EGFLAM: variants seen among roughly 807,000 people sequenced by gnomAD.
EGFLAM encodes pikachurin.
EGFLAM carries 79 observed loss-of-function variants against 113.1 expected under a neutral mutation model. The ratio of observed to expected loss-of-function variants is 0.70; its 90% CI spans 0.58 to 0.84. EGFLAM has a LOEUF of 0.84. Ranked by LOEUF, EGFLAM falls within the 40% of genes least tolerant of loss-of-function variation. The pLI is 0.00. For missense variants in EGFLAM, 1,265 were observed against 1,291.6 expected, an observed-to-expected ratio of 0.98 and a Z score of 0.32; for synonymous variants, 504 against 487.6, an observed-to-expected ratio of 1.03 and a Z score of -0.44.
At chr5:38,451,586 A>T in intron 19 of EGFLAM, 128 bp downstream of exon 19, 1 of 1,349,760 alleles carries the variant, frequency 7.4e-7, no homozygotes, top group Non-Finnish European at 1.0e-6. Context: ...TGAAGCTTCA[A>T]GGCTTATTGG....
At chr5:38,268,352 A>C (rs941639426) in intron 1 of EGFLAM, among the ~76,000 whole-genome samples, 3 of 152,154 alleles carry the variant, frequency 2.0e-5, no homozygotes, top group African/African-American at 7.2e-5. Flanking sequence ...ATCTTATAAT[A>C]CCACCATCTT....
chr5:38,338,647 C>A, intron 2 of EGFLAM, 51 bp from the exon 3 acceptor site: 1 of 1,571,774 alleles, frequency 6.4e-7, no homozygotes, highest in Admixed American at 1.7e-5. Flanking sequence ...AACCTTTGAT[C>A]TTACACAAGC....
chr5:38,390,427 T>G (rs758623496), intron 6 of EGFLAM, among the ~76,000 whole-genome samples: 2 of 152,196 alleles, frequency 1.3e-5, no homozygotes, highest in Non-Finnish European at 2.9e-5. Flanking sequence ...TGCTTCAAAT[T>G]TTTTTCATTA....
At chr5:38,457,857 A>G (rs1411957521) in intron 19 of EGFLAM, among the ~76,000 whole-genome samples, 1 of 152,106 alleles carries the variant, frequency 6.6e-6, no homozygotes, top group Non-Finnish European at 1.5e-5. Flanking sequence ...CACAAAAAAG[A>G]CAAATACTCT....
intron 6 of EGFLAM, chr5:38,401,100 C>G (rs962054249): frequency 4.9e-4 from 74 of 152,150 alleles, no homozygotes; most frequent in African/African-American, 1.7e-3. Flanking sequence ...CCTTATTTTA[C>G]TTGTCGAAAT....
At chr5:38,417,042 A>T (rs1191622497) in intron 11 of EGFLAM, among the ~76,000 whole-genome samples, 1 of 152,008 alleles carries the variant, frequency 6.6e-6, no homozygotes, top group Non-Finnish European at 1.5e-5. Flanking sequence ...GATAAATGAG[A>T]TATTTTGGTC....
chr5:38,293,665 G>A (rs1177869091), intron 1 of EGFLAM, among the ~76,000 whole-genome samples: 1 of 152,034 alleles, frequency 6.6e-6, no homozygotes, highest in Non-Finnish European at 1.5e-5. Flanking sequence ...TATATATAGG[G>A]TTATATATTG....
At chr5:38,302,983 C>T (rs1412593174) in intron 1 of EGFLAM, among the ~76,000 whole-genome samples, 2 of 152,072 alleles carry the variant, frequency 1.3e-5, no homozygotes, top group Admixed American at 6.5e-5. Flanking sequence ...TTAGAATACC[C>T]GGGTTTAGCA....
At chr5:38,317,015 C>G (rs1208397906) in intron 1 of EGFLAM, among the ~76,000 whole-genome samples, 1 of 152,160 alleles carries the variant, frequency 6.6e-6, no homozygotes, top group Non-Finnish European at 1.5e-5. Flanking sequence ...TCCATTCTAT[C>G]ACGTGATCCT....
intron 1 of EGFLAM, among the ~76,000 whole-genome samples, chr5:38,320,323 G>A (rs1456077393): frequency 6.6e-6 from 1 of 152,218 alleles, no homozygotes; most frequent in East Asian, 1.9e-4. Flanking sequence ...TCCTGACTTA[G>A]TGAAATTAGA....
intron 3 of EGFLAM, among the ~76,000 whole-genome samples, chr5:38,344,576 A>G (rs1739428494): frequency 6.6e-6 from 1 of 151,972 alleles, no homozygotes; most frequent in Non-Finnish European, 1.5e-5. Context: ...CATGTATTTG[A>G]TAGATATAAG....
At chr5:38,388,847 C>T (rs547049435) in intron 6 of EGFLAM, among the ~76,000 whole-genome samples, 20 of 146,374 alleles carry the variant, frequency 1.4e-4, no homozygotes, top group Non-Finnish European at 2.1e-4. Context: ...CCTGGGAGGT[C>T]GAGGCTGCCG....
At chr5:38,368,832 T>G (rs6888703) in intron 5 of EGFLAM, among the ~76,000 whole-genome samples, 18,062 of 152,126 alleles carry the variant, frequency 0.12, 1,128 homozygotes, top group Middle Eastern at 0.15. Flanking sequence ...TACTTACCTG[T>G]TCAGTGCCTT....
chr5:38,321,408 G>T (rs1409222971), intron 1 of EGFLAM, among the ~76,000 whole-genome samples: 2 of 152,162 alleles, frequency 1.3e-5, no homozygotes, highest in Non-Finnish European at 2.9e-5. Context: ...GTGTTGCCCG[G>T]TTCCTAAAAG....
intron 5 of EGFLAM, among the ~76,000 whole-genome samples, chr5:38,355,207 C>T (rs914182081): frequency 6.6e-6 from 1 of 152,256 alleles, no homozygotes; most frequent in South Asian, 2.1e-4. Flanking sequence ...GGTCTTGATT[C>T]CATTGAGATC....
chr5:38,438,839 T>C lies in EGFLAM; in HGVS notation c.2464+384T>C, dbSNP rs139205549. ...TGAATGCCTATGCTTTGTAGACTGA[T>C]AAATATTTTAACCCCTGTCTGTGCA... On this transcript the variant is annotated intron_variant, in intron 17 of 21. Transcript: ENST00000322350. Among the ~76,000 whole-genome samples the C allele has an allele frequency of 1.1e-4, 16 of 152,294 alleles. 1 individual carries two copies. In the East Asian group the frequency reaches 2.3e-3, roughly 22 times the overall value.
chr5:38,340,321 C>A (rs1579793932), intron 3 of EGFLAM, among the ~76,000 whole-genome samples: 1 of 152,146 alleles, frequency 6.6e-6, no homozygotes, highest in Admixed American at 6.5e-5. Context: ...AATAATTATT[C>A]TCTTGTGAGG....
intron 6 of EGFLAM, among the ~76,000 whole-genome samples, chr5:38,404,095 C>T (rs1165975907): frequency 1.3e-5 from 2 of 152,156 alleles, no homozygotes; most frequent in Non-Finnish European, 2.9e-5. Flanking sequence ...GCACTTCTCT[C>T]GTCTGGTCTG....
chr5:38,273,232 T>C (rs1282555215), intron 1 of EGFLAM, among the ~76,000 whole-genome samples: 3 of 152,190 alleles, frequency 2.0e-5, no homozygotes, highest in Non-Finnish European at 2.9e-5. Flanking sequence ...TGCTTTGCAC[T>C]CTAATTCTGG....
Sources: gnomAD v4.1 joint callset for allele counts (sites outside exome capture counted in the v4.1 genomes callset) on GRCh38, gnomAD v4.1.1 for gene constraint, MANE v1.5 for transcripts, NCBI Gene and HGNC (gene_info 2026-07-23, HGNC 2026-07-21) for gene names.